MAPK4: variants seen among roughly 807,000 people sequenced by gnomAD.
MAPK4 encodes the protein Erk3-related.
In MAPK4, 22 loss-of-function variants were observed where a neutral mutation model predicts 47.7. The observed-to-expected ratio is 0.46, with a 90% confidence interval of 0.33 to 0.66. MAPK4 has a LOEUF of 0.66. MAPK4 is among the 30% of genes least tolerant of loss of function. MAPK4 has a pLI of 0.02. For missense variants in MAPK4, 736 were observed against 831.7 expected (o/e 0.88, Z 1.42); for synonymous variants, 390 against 365.7 (o/e 1.07, Z -0.76).
At chr18:50,689,873 C>T (rs16952407) in intron 2 of MAPK4, among the ~76,000 whole-genome samples, 2,238 of 152,342 alleles carry the variant, frequency 0.015, 48 homozygotes, top group African/African-American at 0.051. Context: ...CACTAGGTAA[C>T]ATCCAATAAC....
At chr18:50,661,168 C>T (rs1216397095) in intron 1 of MAPK4, among the ~76,000 whole-genome samples, 1 of 152,106 alleles carries the variant, frequency 6.6e-6, no homozygotes, top group Non-Finnish European at 1.5e-5. Flanking sequence ...TAATGATATG[C>T]AATTGCCTCT....
chr18:50,673,343 C>G (rs1227911785), intron 2 of MAPK4, among the ~76,000 whole-genome samples: 1 of 152,184 alleles, frequency 6.6e-6, no homozygotes, highest in Non-Finnish European at 1.5e-5. Flanking sequence ...AGCCTGCTCA[C>G]TCACCTGGTA....
intron 2 of MAPK4, among the ~76,000 whole-genome samples, chr18:50,706,803 C>CCCAGCCCAG (rs1910082246): frequency 6.6e-6 from 1 of 152,160 alleles, no homozygotes; most frequent in African/African-American, 2.4e-5. Context: ...CATCCCTCCA[C>CCCAGCCCAG]CCACCTCTCT....
rs78617162 is a variant in MAPK4, at chr18:50,710,344, G to A, written c.547-4735G>A. ...CAAAAAATACAAAAATTAGCCAAGC[G>A]TGGTGGCGTGTGCCTGTAGTCTCAG... is the stretch of plus-strand genomic sequence containing the variant. On this transcript the variant is annotated intron_variant, in intron 2 of 5. Coordinates refer to ENST00000400384, the MANE Select transcript of MAPK4 (RefSeq NM_002747.4). 6.6e-3 allele frequency among the ~76,000 whole-genome samples: 1,005 copies of A among 152,120 alleles called. 43 individuals carry two copies. The East Asian group carries it at 0.12, about 19-fold the overall frequency.
chr18:50,580,726 C>T (rs1049078156), intron 1 of MAPK4, among the ~76,000 whole-genome samples: 8 of 152,172 alleles, frequency 5.3e-5, no homozygotes, highest in African/African-American at 1.4e-4. Context: ...GGCCCTGCTC[C>T]GTGGAACAGC....
intron 2 of MAPK4, among the ~76,000 whole-genome samples, chr18:50,712,282 C>G (rs1473532657): frequency 1.3e-5 from 2 of 152,070 alleles, no homozygotes; most frequent in African/African-American, 4.8e-5. Context: ...CAAAAATTAA[C>G]TGGGTGTGTT....
In MAPK4 at chr18:50,731,176, C is replaced by T. The variant is rs1188321533; in HGVS notation, c.*1322C>T. On this transcript the variant is annotated 3_prime_UTR_variant, in exon 6 of 6. Coordinates refer to ENST00000400384, the MANE Select transcript of MAPK4 (RefSeq NM_002747.4). ...AGGAAGGGACTCAAAGCAGCAATGC[C>T]CCTCATAGTGTAGGCTAAGGTGAGT... 6.6e-6 allele frequency: 1 copy of T among 152,400 alleles called. No individual in the cohort carries two copies. The highest frequency in any genetic ancestry group is 1.5e-5 in the Non-Finnish European group (1 of 68,164). The allele number at this position is 152,400 out of a possible 1,614,324, so 9.4% of individuals were successfully genotyped here.
chr18:50,619,737 A>G (rs1280437044), intron 1 of MAPK4, among the ~76,000 whole-genome samples: 1 of 152,240 alleles, frequency 6.6e-6, no homozygotes, highest in African/African-American at 2.4e-5. Flanking sequence ...TTCAGAGAGC[A>G]CACTCACACT....
Position 50,731,180 on chromosome 18 carries a change from C to G in MAPK4, c.*1326C>G, listed in dbSNP as rs184556363. The G allele has an allele frequency of 6.6e-6, 1 of 152,574 alleles. No homozygotes were observed. The highest frequency in any genetic ancestry group is 1.9e-4 in the East Asian group (1 of 5,184). The allele number at this position is 152,574 out of a possible 1,614,324, so 9.5% of individuals were successfully genotyped here. Reference sequence around the variant, plus strand: ...AGGGACTCAAAGCAGCAATGCCCCTCATAGTGTAGGCTAAGGTGAGTTTGG... The same window carrying G: ...AGGGACTCAAAGCAGCAATGCCCCTGATAGTGTAGGCTAAGGTGAGTTTGG... On this transcript the variant is annotated 3_prime_UTR_variant, in exon 6 of 6. Coordinates refer to ENST00000400384, the MANE Select transcript of MAPK4 (RefSeq NM_002747.4).
intron 1 of MAPK4, among the ~76,000 whole-genome samples, chr18:50,607,071 C>T (rs906339323): frequency 3.9e-5 from 6 of 152,202 alleles, no homozygotes; most frequent in African/African-American, 1.2e-4. Flanking sequence ...CCTCTCTCTG[C>T]GGAATGATAC....
At chr18:50,611,001 G>A (rs1320523264) in intron 1 of MAPK4, among the ~76,000 whole-genome samples, 1 of 152,174 alleles carries the variant, frequency 6.6e-6, no homozygotes, top group Admixed American at 6.5e-5. Flanking sequence ...AATGACCACC[G>A]AGGGTGTGTC....
At chr18:50,585,558 G>A (rs9961535) in intron 1 of MAPK4, among the ~76,000 whole-genome samples, 6,592 of 152,190 alleles carry the variant, frequency 0.043, 453 homozygotes, top group African/African-American at 0.14. Context: ...ATGTGCAAAA[G>A]TATGAGTATG....
At chr18:50,601,758 C>G (rs1036754847) in intron 1 of MAPK4, among the ~76,000 whole-genome samples, 4 of 152,202 alleles carry the variant, frequency 2.6e-5, no homozygotes, top group Non-Finnish European at 4.4e-5. Context: ...CATAGGCTTT[C>G]AAGCCCTGGA....
At chr18:50,680,464 A>G (rs1053792185) in intron 2 of MAPK4, among the ~76,000 whole-genome samples, 1 of 152,186 alleles carries the variant, frequency 6.6e-6, no homozygotes, top group African/African-American at 2.4e-5. Context: ...AAAGTCTACA[A>G]TTCAATGACT....
intron 3 of MAPK4, among the ~76,000 whole-genome samples, chr18:50,716,160 C>T (rs1910625288): frequency 6.6e-6 from 1 of 152,142 alleles, no homozygotes; most frequent in South Asian, 2.1e-4. Context: ...CACTTGCTCT[C>T]TTCACTCCCT....
At chr18:50,710,636 C>T (rs901438880) in intron 2 of MAPK4, among the ~76,000 whole-genome samples, 14 of 151,754 alleles carry the variant, frequency 9.2e-5, no homozygotes, top group Admixed American at 2.0e-4. Context: ...AAAAATTAGC[C>T]GGGCGTGGTG....
At chr18:50,676,279 C>G (rs577655212) in intron 2 of MAPK4, among the ~76,000 whole-genome samples, 1 of 152,142 alleles carries the variant, frequency 6.6e-6, no homozygotes, top group Non-Finnish European at 1.5e-5. Flanking sequence ...AATTTATAAG[C>G]CTGTCTTCTA....
chr18:50,610,183 T>A (rs2042619970), intron 1 of MAPK4, among the ~76,000 whole-genome samples: 1 of 152,048 alleles, frequency 6.6e-6, no homozygotes, highest in Non-Finnish European at 1.5e-5. Flanking sequence ...TACCCTGAGG[T>A]AACATAGAGA....
chr18:50,713,444 A>G (rs1158676572), intron 2 of MAPK4, among the ~76,000 whole-genome samples: 1 of 152,232 alleles, frequency 6.6e-6, no homozygotes, highest in Non-Finnish European at 1.5e-5. Flanking sequence ...TCCCTGCAGA[A>G]GGTGCCTAAA....
Sources: gnomAD v4.1 joint callset for allele counts (sites outside exome capture counted in the v4.1 genomes callset) on GRCh38, gnomAD v4.1.1 for gene constraint, MANE v1.5 for transcripts, NCBI Gene and HGNC (gene_info 2026-07-23, HGNC 2026-07-21) for gene names.